SDCCAG8: variants seen among roughly 807,000 people sequenced by gnomAD.
The protein encoded by SDCCAG8 is serologically defined colon cancer antigen 8.
SDCCAG8 carries 74 observed loss-of-function variants against 101.8 expected under a neutral mutation model. The observed-to-expected ratio is 0.73, with a 90% CI of 0.60 to 0.88. SDCCAG8 has a LOEUF of 0.88. Ranked by LOEUF, SDCCAG8 falls within the 40% of genes least tolerant of loss-of-function variation. The pLI, the probability that SDCCAG8 is intolerant of heterozygous loss-of-function variation, is 0.00. For missense variants in SDCCAG8, 787 were observed against 822.6 expected, an observed-to-expected ratio of 0.96 and a Z score of 0.53; for synonymous variants, 281 against 292.9, an observed-to-expected ratio of 0.96 and a Z score of 0.41.
chr1:243,496,490 G>C (rs1175050074), intron 17 of SDCCAG8, among the ~76,000 whole-genome samples: 3 of 152,240 alleles, frequency 2.0e-5, no homozygotes, highest in African/African-American at 7.2e-5. Context: ...CAAGGAACAG[G>C]ACCACGTTTT....
intron 8 of SDCCAG8, among the ~76,000 whole-genome samples, chr1:243,316,472 A>G (rs1040890554): frequency 6.6e-6 from 1 of 152,040 alleles, no homozygotes; most frequent in African/African-American, 2.4e-5. Flanking sequence ...TAAAAAACTA[A>G]TTTGCTCTTC....
chr1:243,333,559 C>G (rs1013043925), intron 10 of SDCCAG8, among the ~76,000 whole-genome samples: 2 of 152,184 alleles, frequency 1.3e-5, no homozygotes, highest in Non-Finnish European at 2.9e-5. Flanking sequence ...AAAGATTTGT[C>G]CATACATGTT....
At chr1:243,319,032 G>A (rs1369273140) in intron 9 of SDCCAG8, among the ~76,000 whole-genome samples, 1 of 152,152 alleles carries the variant, frequency 6.6e-6, no homozygotes, top group Non-Finnish European at 1.5e-5. Context: ...AAGGCCTCAG[G>A]AAGATTTCAC....
rs76266738 is a variant in SDCCAG8, at chr1:243,493,955, T to A, written c.2112+4815T>A. Among the ~76,000 whole-genome samples the A allele has an allele frequency of 7.6e-3, 1,161 of 152,094 alleles. 4 individuals carry two copies. The highest frequency in any genetic ancestry group is 0.011 in the Non-Finnish European group (736 of 68,008). ...GACTCCCTGCCGAGGGAGGCCTGGC[T>A]GCAAGGCGGAGCTGCTGCAGGCTGC... On this transcript the variant is annotated intron_variant, in intron 17 of 17. Coordinates refer to ENST00000366541, the MANE Select transcript of SDCCAG8 (RefSeq NM_006642.5).
intron 4 of SDCCAG8, among the ~76,000 whole-genome samples, chr1:243,277,664 A>G (rs1330534074): frequency 6.6e-6 from 1 of 152,198 alleles, no homozygotes; most frequent in Non-Finnish European, 1.5e-5. Flanking sequence ...AGTTTAACTT[A>G]CCAATTTTTT....
intron 10 of SDCCAG8, among the ~76,000 whole-genome samples, chr1:243,340,803 GTTA>G (rs2075338779): frequency 6.6e-6 from 1 of 152,110 alleles, no homozygotes; most frequent in African/African-American, 2.4e-5. Flanking sequence ...TTATCATCTT[GTTA>G]TACATTTTTC....
chr1:243,323,978 C>T (rs2073957024), intron 9 of SDCCAG8, among the ~76,000 whole-genome samples: 5 of 152,130 alleles, frequency 3.3e-5, no homozygotes, highest in Admixed American at 2.6e-4. Flanking sequence ...TGTGGACGTT[C>T]CTCAGAGTTA....
chr1:243,412,604 T>A (rs2080261386), intron 13 of SDCCAG8, among the ~76,000 whole-genome samples: 1 of 152,122 alleles, frequency 6.6e-6, no homozygotes, highest in Admixed American at 6.5e-5. Context: ...TCCTTTTTTT[T>A]TTCCCAGCTC....
intron 3 of SDCCAG8, among the ~76,000 whole-genome samples, chr1:243,272,357 C>T (rs918389639): frequency 3.9e-5 from 6 of 152,192 alleles, no homozygotes; most frequent in Admixed American, 2.6e-4. Flanking sequence ...TCCAGGCTGA[C>T]ACATACTTTT....
chr1:243,350,455 C>T (rs935237724), intron 12 of SDCCAG8, among the ~76,000 whole-genome samples: 11 of 152,152 alleles, frequency 7.2e-5, no homozygotes, highest in Non-Finnish European at 1.3e-4. Context: ...TGAGCTCAGG[C>T]AATCCACCTG....
At chr1:243,497,536 C>T (rs1161611642) in intron 17 of SDCCAG8, among the ~76,000 whole-genome samples, 1 of 152,180 alleles carries the variant, frequency 6.6e-6, no homozygotes, top group East Asian at 1.9e-4. Context: ...CATGCAGGCC[C>T]ACGGAATCAG....
At chr1:243,438,839 T>C (rs1172817713) in intron 16 of SDCCAG8, among the ~76,000 whole-genome samples, 1 of 152,222 alleles carries the variant, frequency 6.6e-6, no homozygotes, top group Non-Finnish European at 1.5e-5. Flanking sequence ...TCTCTGAGTT[T>C]ATTGACATTT....
intron 9 of SDCCAG8, among the ~76,000 whole-genome samples, chr1:243,322,457 C>T (rs186947297): frequency 5.9e-5 from 9 of 152,250 alleles, no homozygotes; most frequent in African/African-American, 1.7e-4. Context: ...AGCTTTTTCC[C>T]ATTGCACATG....
intron 13 of SDCCAG8, among the ~76,000 whole-genome samples, chr1:243,411,466 C>A (rs1185966251): frequency 6.6e-6 from 1 of 152,092 alleles, no homozygotes; most frequent in Non-Finnish European, 1.5e-5. Flanking sequence ...TAAAATATCA[C>A]CAATTTCTAA....
At chr1:243,451,502 C>A (rs938151239) in intron 16 of SDCCAG8, among the ~76,000 whole-genome samples, 1 of 152,158 alleles carries the variant, frequency 6.6e-6, no homozygotes, top group South Asian at 2.1e-4. Context: ...TTCTTCACCC[C>A]CTTCTATTAT....
intron 13 of SDCCAG8, among the ~76,000 whole-genome samples, chr1:243,413,903 G>A (rs200654014): frequency 6.6e-6 from 1 of 152,048 alleles, no homozygotes; most frequent in Non-Finnish European, 1.5e-5. Context: ...AAAAGTTTTT[G>A]CCTCCTCTCG....
chr1:243,380,619 G>A (rs1404806636), intron 13 of SDCCAG8, among the ~76,000 whole-genome samples: 1 of 151,966 alleles, frequency 6.6e-6, no homozygotes, highest in Non-Finnish European at 1.5e-5. Flanking sequence ...TGCTGAAAAT[G>A]GACGAGTGGT....
rs146225746 is a variant in SDCCAG8 at position 243,281,759 on chromosome 1, G to A, written c.421-4513G>A. Among the ~76,000 whole-genome samples, 39 of 143,768 alleles carry A rather than the reference G, an allele frequency of 2.7e-4. No individual in the cohort carries two copies. The East Asian group carries it at 8.6e-3, about 32-fold the overall frequency. The allele number at this position is 143,768 out of a possible 152,430, so 94.3% of individuals were successfully genotyped here. On this transcript the variant is annotated intron_variant, in intron 4 of 17. Transcript: ENST00000366541. ...CCTGGGCTCAAGCAGTCCTCCTACC[G>A]CCTCCCTGCTGAGTAGCTAGGACTA...
intron 6 of SDCCAG8, among the ~76,000 whole-genome samples, chr1:243,302,824 C>T (rs1382754457): frequency 6.6e-6 from 1 of 152,122 alleles, no homozygotes; most frequent in Non-Finnish European, 1.5e-5. Context: ...CTATGGAAAG[C>T]ATTTTCAACA....
Sources: gnomAD v4.1 joint callset for allele counts (sites outside exome capture counted in the v4.1 genomes callset) on GRCh38, gnomAD v4.1.1 for gene constraint, MANE v1.5 for transcripts, NCBI Gene and HGNC (gene_info 2026-07-23, HGNC 2026-07-21) for gene names.